Variants in MACROD1 observed in about 807,000 individuals in gnomAD.
MACROD1 encodes the protein mono-ADP ribosylhydrolase 1, also known as ADP-ribose glycohydrolase MACROD1.
MACROD1 carries 31 observed loss-of-function variants against 41.4 expected under a neutral mutation model. The ratio of observed to expected loss-of-function variants is 0.75; its 90% confidence interval spans 0.56 to 1.01. The LOEUF (loss-of-function observed/expected upper bound fraction) is 1.01, where lower values mean the gene tolerates loss of function less well. Among genes scored for constraint, MACROD1 ranks in the 50% least tolerant of loss-of-function variants. The pLI, the probability that MACROD1 is intolerant of heterozygous loss-of-function variation, is 0.00. For missense variants in MACROD1, 473 were observed against 460.0 expected (o/e 1.03, Z -0.26); for synonymous variants, 252 against 203.4 (o/e 1.24, Z -2.03).
At chr11:64,151,598 T>A (rs530671430) in intron 2 of MACROD1, among the ~76,000 whole-genome samples, 1 of 152,160 alleles carries the variant, frequency 6.6e-6, no homozygotes, top group Admixed American at 6.5e-5. Context: ...AGTGCCAATA[T>A]CATCTATCCC....
chr11:64,076,956 G>T (rs1944212914), intron 3 of MACROD1, among the ~76,000 whole-genome samples: 1 of 152,180 alleles, frequency 6.6e-6, no homozygotes, highest in South Asian at 2.1e-4. Context: ...TTCACAGCTG[G>T]GTTATCACCT....
intron 3 of MACROD1, among the ~76,000 whole-genome samples, chr11:64,113,943 G>A (rs557863209): frequency 1.3e-5 from 2 of 149,436 alleles, no homozygotes; most frequent in African/African-American, 2.5e-5. Flanking sequence ...TGCACGGATG[G>A]ATGGATGGAT....
chr11:64,125,801 A>T (rs1945169917), intron 3 of MACROD1, among the ~76,000 whole-genome samples: 1 of 152,218 alleles, frequency 6.6e-6, no homozygotes, highest in East Asian at 1.9e-4. Flanking sequence ...GGCCCCACAG[A>T]GGCGCTGCAA....
intron 3 of MACROD1, among the ~76,000 whole-genome samples, chr11:64,100,001 C>T (rs761184827): frequency 7.9e-5 from 12 of 152,138 alleles, no homozygotes; most frequent in Middle Eastern, 3.2e-3. Context: ...GTTTCTCTTG[C>T]GCTGTCTTGG....
chr11:64,091,962 A>T (rs1590895425), intron 3 of MACROD1, among the ~76,000 whole-genome samples: 1 of 152,018 alleles, frequency 6.6e-6, no homozygotes, highest in African/African-American at 2.4e-5. Context: ...CAGTGGCGTC[A>T]CTCTGGGCTC....
At chr11:64,000,430 G>A in intron 4 of MACROD1, 87 bp from the exon 5 acceptor site, 2 of 867,120 alleles carry the variant, frequency 2.3e-6, no homozygotes, top group Non-Finnish European at 3.3e-6. Context: ...GCCCCTCGGC[G>A]ATGCGAGGAC....
At chr11:64,153,928 C>T (rs1357739086) in intron 1 of MACROD1, among the ~76,000 whole-genome samples, 2 of 152,070 alleles carry the variant, frequency 1.3e-5, no homozygotes, top group African/African-American at 4.8e-5. Context: ...CCTCCCTCAA[C>T]GCCCGCATTC....
chr11:64,148,747 C>G, intron 3 of MACROD1: 2 of 985,772 alleles, frequency 2.0e-6, no homozygotes, highest in Non-Finnish European at 2.4e-6. Context: ...AAAGCCCTGC[C>G]GTTGCCAACG....
At position 64,146,455 on chromosome 11, in the gene MACROD1, G is replaced by A. The variant is rs771628025; in HGVS notation, c.517+4784C>T. Reference sequence around the variant, plus strand: ...CGCCATGCTCCTGTGGGCAGGAGCCGTGGCCGACACAGATGGCAGGAACCT... The same window carrying A: ...CGCCATGCTCCTGTGGGCAGGAGCCATGGCCGACACAGATGGCAGGAACCT... On this transcript the variant is annotated intron_variant, in intron 3 of 10. Coordinates refer to ENST00000255681, the MANE Select transcript of MACROD1 (RefSeq NM_014067.4). The surrounding 1 kb of genome is among the most constrained non-coding windows in gnomAD (Gnocchi z 4.7). Among the ~76,000 whole-genome samples, 8 of 152,170 alleles carry A rather than the reference G, an allele frequency of 5.3e-5. No homozygotes were observed. Among genetic ancestry groups the A allele is most frequent in the Non-Finnish European group, 1.0e-4 (7 of 68,028 alleles).
chr11:64,039,422 G>C (rs2134382917), intron 3 of MACROD1, among the ~76,000 whole-genome samples: 1 of 152,258 alleles, frequency 6.6e-6, no homozygotes, highest in South Asian at 2.1e-4. Flanking sequence ...GGTGGTAGCG[G>C]GGGGTCCCTC....
chr11:64,008,483 G>A (rs934223592), intron 4 of MACROD1, among the ~76,000 whole-genome samples: 3 of 151,486 alleles, frequency 2.0e-5, no homozygotes, highest in African/African-American at 7.3e-5. Context: ...GCAGTGGAGG[G>A]GGTGTCGGAG....
intron 3 of MACROD1, among the ~76,000 whole-genome samples, chr11:64,149,698 A>G (rs1386982007): frequency 6.6e-6 from 1 of 152,158 alleles, no homozygotes; most frequent in Non-Finnish European, 1.5e-5. Flanking sequence ...CCGCTGCAGT[A>G]CCTCTCACAC....
chr11:64,027,095 C>T (rs1268527150), intron 3 of MACROD1, among the ~76,000 whole-genome samples: 1 of 152,254 alleles, frequency 6.6e-6, no homozygotes, highest in Non-Finnish European at 1.5e-5. Flanking sequence ...CACCTAAGAG[C>T]TCCTCTTATG....
rs142983936 is a variant in MACROD1, at chr11:64,079,839, C to T, written c.518-64558G>A. On this transcript the variant is annotated intron_variant, in intron 3 of 10. Transcript: ENST00000255681. ...CCACTTGGACCCCAGGAAGGAGCCA[C>T]AGGGAGCCAGCAACAGCTCCAGAGT... Among the ~76,000 whole-genome samples, 23 of 152,218 alleles carry T rather than the reference C, an allele frequency of 1.5e-4. 1 individual carries two copies. The highest frequency in any genetic ancestry group is 5.5e-4 in the African/African-American group (23 of 41,526).
chr11:64,155,199 A>G (rs1945648986), intron 1 of MACROD1, among the ~76,000 whole-genome samples: 1 of 152,248 alleles, frequency 6.6e-6, no homozygotes, highest in Non-Finnish European at 1.5e-5. Context: ...AGAGTCTTCT[A>G]GGCAGAGGGA....
chr11:64,058,747 G>A (rs1424924408), intron 3 of MACROD1, among the ~76,000 whole-genome samples: 4 of 152,244 alleles, frequency 2.6e-5, no homozygotes, highest in South Asian at 2.1e-4. Context: ...GCTTGCCAGC[G>A]GCAGCTTCTA....
chr11:64,069,429 G>A (rs575023530), intron 3 of MACROD1, among the ~76,000 whole-genome samples: 27 of 152,340 alleles, frequency 1.8e-4, no homozygotes, highest in Non-Finnish European at 1.6e-4. Context: ...GGGACCCTGG[G>A]GGTCTTGGAG....
In MACROD1 at chr11:64,059,314, G is replaced by T. The variant is rs187881501; in HGVS notation, c.518-44033C>A. ...CTTGCGGGTCCTGGCTCCACTGAAG[G>T]TGGATGCGTGTAGCCACCGACATGG... On this transcript the variant is annotated intron_variant, in intron 3 of 10. Transcript: ENST00000255681. Among the ~76,000 whole-genome samples the T allele has an allele frequency of 7.7e-4, 117 of 152,292 alleles. 1 individual carries two copies. The highest frequency in any genetic ancestry group is 2.7e-3 in the African/African-American group (113 of 41,546).
intron 3 of MACROD1, among the ~76,000 whole-genome samples, chr11:64,078,337 C>T (rs1274550269): frequency 6.6e-6 from 1 of 152,246 alleles, no homozygotes; most frequent in Non-Finnish European, 1.5e-5. Context: ...GCCTGCCTCC[C>T]CTCCCAGTCC....
Sources: allele counts gnomAD v4.1 joint callset (sites outside exome capture counted in the v4.1 genomes callset), GRCh38; gene constraint gnomAD v4.1.1; non-coding constraint Gnocchi (gnomAD v3.1); transcripts MANE v1.5; gene names NCBI Gene and HGNC (gene_info 2026-07-23, HGNC 2026-07-21).